NCOR2: variants seen among roughly 807,000 people sequenced by gnomAD.
NCOR2 encodes CTG repeat protein 26.
In NCOR2, 81 loss-of-function variants were observed where a neutral mutation model predicts 262.9. That is an observed-to-expected ratio of 0.31 (90% CI 0.26 to 0.37). NCOR2 has a LOEUF of 0.37. Among genes scored for constraint, NCOR2 ranks in the 10% least tolerant of loss-of-function variants. The probability of loss-of-function intolerance (pLI) is 1.00; values close to 1 mark genes in which losing one functional copy is unlikely to be tolerated. For synonymous variants in NCOR2, 1,659 were observed against 1,559.3 expected (o/e 1.06, Z -1.51); for missense variants, 3,385 against 3,621.4 (o/e 0.93, Z 1.68).
At chr12:124,478,522 C>T (rs763435873) in intron 3 of NCOR2, among the ~76,000 whole-genome samples, 1 of 152,102 alleles carries the variant, frequency 6.6e-6, no homozygotes, top group African/African-American at 2.4e-5. Flanking sequence ...CAAATTCCTG[C>T]CTCAGGCGCC....
chr12:124,513,378 G>C (rs975923141), intron 1 of NCOR2: 2 of 152,178 alleles, frequency 1.3e-5, no homozygotes, highest in African/African-American at 4.8e-5. Flanking sequence ...CCTCTGCTCT[G>C]GGCTAAATGA....
upstream of NCOR2, among the ~76,000 whole-genome samples, chr12:124,535,925 G>A (rs1200725807): frequency 9.2e-5 from 14 of 151,996 alleles, no homozygotes; most frequent in Admixed American, 6.5e-4. Flanking sequence ...GAGGGGCCCC[G>A]GGCCACACGG....
intron 4 of NCOR2, among the ~76,000 whole-genome samples, chr12:124,471,464 C>T (rs2046830798): frequency 1.3e-5 from 2 of 152,226 alleles, no homozygotes; most frequent in Non-Finnish European, 2.9e-5. Context: ...GCTCAGAACA[C>T]AGCAGTTAAC....
At chr12:124,398,668 A>G (rs1433817787) in intron 15 of NCOR2, among the ~76,000 whole-genome samples, 1 of 152,220 alleles carries the variant, frequency 6.6e-6, no homozygotes, top group Non-Finnish European at 1.5e-5. Context: ...GGGCTGTCCC[A>G]TCACGGCAGG....
At chr12:124,390,705 G>C (rs1439685464) in intron 16 of NCOR2, among the ~76,000 whole-genome samples, 2 of 152,222 alleles carry the variant, frequency 1.3e-5, no homozygotes, top group Admixed American at 6.5e-5. Flanking sequence ...AAAGAGGCTG[G>C]GGTATCCCCC....
rs922491079 is a variant in NCOR2 at position 124,374,349 on chromosome 12, G to A, written c.2218+64C>T. The A allele has an allele frequency of 3.5e-5, 54 of 1,528,578 alleles. No individual in the cohort carries two copies. The African/African-American group carries it at 5.1e-4, about 14-fold the overall frequency. The allele number at this position is 1,528,578 out of a possible 1,614,324, so 94.7% of individuals were successfully genotyped here. On this transcript the variant is annotated intron_variant, in intron 19 of 46. Coordinates refer to ENST00000405201, the Ensembl canonical transcript of NCOR2. ...GAAGCGGGGTTCCTTGTGGAGGACC[G>A]GGGACCTTGGGATGCCCGCCCCGGC...
At chr12:124,538,969 G>A (rs552718145), upstream of NCOR2, 2 of 152,490 alleles carry the variant, frequency 1.3e-5, no homozygotes, top group African/African-American at 4.8e-5. Flanking sequence ...AAGGAAGGGA[G>A]TGAGCCAGGA....
exon 45 of NCOR2, chr12:124,327,466 C>T (rs773013649): frequency 1.1e-5 from 17 of 1,613,204 alleles, no homozygotes; most frequent in South Asian, 2.2e-5. Context: ...GGCATAGCAG[C>T]GGGCAGGCTG....
exon 20 of NCOR2, chr12:124,372,230 T>C (rs1383586344): frequency 6.2e-7 from 1 of 1,600,624 alleles, no homozygotes; most frequent in South Asian, 1.1e-5. Flanking sequence ...GCTTCCTCCG[T>C]GCACTCGCTC....
chr12:124,462,119 G>A (rs1450499863), intron 5 of NCOR2, among the ~76,000 whole-genome samples: 1 of 152,164 alleles, frequency 6.6e-6, no homozygotes. Flanking sequence ...AAAGGCACAC[G>A]TGTATCTAAC....
At chr12:124,360,339 C>T (rs557533915) in intron 22 of NCOR2, among the ~76,000 whole-genome samples, 1 of 152,364 alleles carries the variant, frequency 6.6e-6, no homozygotes, top group African/African-American at 2.4e-5. Flanking sequence ...GGGTTCAACG[C>T]CCCACTGGCT....
intron 6 of NCOR2, among the ~76,000 whole-genome samples, chr12:124,451,257 A>G (rs1393066493): frequency 6.6e-6 from 1 of 152,230 alleles, no homozygotes; most frequent in Non-Finnish European, 1.5e-5. Context: ...CGGAGGTGCA[A>G]GAGCTGAGCC....
chr12:124,426,933 G>A, intron 10 of NCOR2, 133 bp from the exon 13 acceptor site: 1 of 731,186 alleles, frequency 1.4e-6, no homozygotes, highest in South Asian at 2.4e-5. Flanking sequence ...CAAGGAGAAG[G>A]AGAATGATGA....
At chr12:124,519,089 T>TACACACACACATGC (rs58285194) in intron 1 of NCOR2, among the ~76,000 whole-genome samples, 2 of 97,268 alleles carry the variant, frequency 2.1e-5, no homozygotes, top group African/African-American at 7.0e-5. Flanking sequence ...GGCCAAATAA[T>TACACACACACATGC]ACACACACAC....
intron 1 of NCOR2, among the ~76,000 whole-genome samples, chr12:124,492,127 C>T (rs2048116751): frequency 6.6e-6 from 1 of 152,234 alleles, no homozygotes; most frequent in Non-Finnish European, 1.5e-5. Context: ...GCGGCTTCCA[C>T]GGCCTGCACC....
At chr12:124,449,573 C>T (rs899373206) in intron 7 of NCOR2, among the ~76,000 whole-genome samples, 1 of 152,242 alleles carries the variant, frequency 6.6e-6, no homozygotes, top group Non-Finnish European at 1.5e-5. Flanking sequence ...CAGCAGCTCC[C>T]TCGCCCACCC....
chr12:124,342,902 G>C, intron 33 of NCOR2, 103 bp downstream of exon 35: 1 of 1,290,074 alleles, frequency 7.8e-7, no homozygotes. Context: ...CCATCCAGGG[G>C]AACCTGACAG....
chr12:124,349,992 T>C (rs2037303685), intron 28 of NCOR2, among the ~76,000 whole-genome samples: 1 of 152,046 alleles, frequency 6.6e-6, no homozygotes, highest in Non-Finnish European at 1.5e-5. Context: ...CAGGCGGAAG[T>C]GGATGGAGGA....
At chr12:124,346,690 A>G in exon 31 of NCOR2, 1 of 1,573,810 alleles carries the variant, frequency 6.4e-7, no homozygotes, top group East Asian at 2.3e-5. Context: ...CCAGGCCCTC[A>G]TGGGCCGGCT....
Sources: allele counts gnomAD v4.1 joint callset (sites outside exome capture counted in the v4.1 genomes callset), GRCh38; gene constraint gnomAD v4.1.1; transcripts MANE v1.5; gene names NCBI Gene and HGNC (gene_info 2026-07-23, HGNC 2026-07-21).